MAPK3: variants seen among roughly 807,000 people sequenced by gnomAD.
The protein encoded by MAPK3 is MAPK 1.
A neutral mutation model predicts 41.8 loss-of-function variants in MAPK3; 30 were observed. That is an observed-to-expected ratio of 0.72 (90% CI 0.54 to 0.97). The LOEUF (loss-of-function observed/expected upper bound fraction) is 0.97, where lower values mean the gene tolerates loss of function less well. Ranked by LOEUF, MAPK3 falls within the 50% of genes least tolerant of loss-of-function variation. The pLI is 0.00. For missense variants in MAPK3, 413 were observed against 509.9 expected (o/e 0.81, Z 1.83); for synonymous variants, 222 against 213.4 (o/e 1.04, Z -0.35).
intron 8 of MAPK3, chr16:30,115,975 T>G (rs896916862): frequency 5.3e-5 from 8 of 151,082 alleles, no homozygotes; most frequent in Non-Finnish European, 1.2e-4. Context: ...GCCAGGCTGG[T>G]CTCAACTCTT....
chr16:30,122,221 G>C, intron 1 of MAPK3: 1 of 598,468 alleles, frequency 1.7e-6, no homozygotes, highest in Non-Finnish European at 3.0e-6. Flanking sequence ...TTTACAAACA[G>C]AGGAAGAGAC....
At chr16:30,114,832 T>A (rs1175111880) in intron 8 of MAPK3, 124 bp from the exon 9 acceptor site, 1 of 152,236 alleles carries the variant, frequency 6.6e-6, no homozygotes, top group Non-Finnish European at 1.5e-5. Context: ...AGTTTCCTTA[T>A]CTGTAAATGG....
At chr16:30,116,236 C>T (rs1470008616) in intron 8 of MAPK3, among the ~76,000 whole-genome samples, 3 of 150,804 alleles carry the variant, frequency 2.0e-5, no homozygotes, top group Middle Eastern at 3.2e-3. Flanking sequence ...GGTTTCACCA[C>T]GTTGGCCAGG....
At chr16:30,120,304 G>A (rs543385230) in intron 2 of MAPK3, among the ~76,000 whole-genome samples, 46 of 152,282 alleles carry the variant, frequency 3.0e-4, no homozygotes, top group African/African-American at 1.0e-3. Context: ...ATCACACAGC[G>A]AGCTGGGGGT....
At chr16:30,122,983 C>A in intron 1 of MAPK3, 57 bp downstream of exon 1, 1 of 1,362,180 alleles carries the variant, frequency 7.3e-7, no homozygotes, top group South Asian at 1.6e-5. Flanking sequence ...CCTCCTCCTC[C>A]TCTCCCGCGA....
intron 7 of MAPK3, 44 bp from the exon 8 acceptor site, chr16:30,116,834 T>C: frequency 6.2e-7 from 1 of 1,613,398 alleles, no homozygotes; most frequent in Admixed American, 1.7e-5. Flanking sequence ...GCATGGGGGA[T>C]GCCTACGTGC....
intron 8 of MAPK3, 24 bp downstream of exon 8, chr16:30,116,612 T>C (rs1328161024): frequency 2.5e-6 from 4 of 1,603,870 alleles, no homozygotes; most frequent in South Asian, 2.2e-5. Flanking sequence ...AGGGTGTCCA[T>C]GTGTGGGCCA....
At chr16:30,120,950 T>C (rs1197966346) in intron 2 of MAPK3, among the ~76,000 whole-genome samples, 5 of 151,752 alleles carry the variant, frequency 3.3e-5, no homozygotes, top group Admixed American at 6.6e-5. Context: ...TCCCAAAGTG[T>C]TGGGACTACA....
chr16:30,116,781 C>A lies in MAPK3; in HGVS notation c.1027G>T (p.Glu343Ter), dbSNP rs752512625. The A allele has an allele frequency of 1.2e-6, 2 of 1,613,862 alleles. No individual in the cohort carries two copies. Among genetic ancestry groups the A allele is most frequent in the South Asian group, 1.1e-5 (1 of 91,072 alleles). The change falls in exon 8 of 9, where the codon GAG (glutamate) becomes TAG (stop). Residue 343 changes from glutamate to a stop codon, truncating the protein, a stop_gained. Coordinates refer to ENST00000263025, the MANE Select transcript of MAPK3 (RefSeq NM_002746.3). LOFTEE classifies it high-confidence loss of function. The part of the protein sequence containing the change: ...YYDPTDEPVA[E>*]EPFTFAMELD... ...TCCATGGCGAAGGTGAAGGGCTCCT[C>A]GGCCACTGGCTGGGGTGGTAGAGAC... is the stretch of plus-strand genomic sequence containing the variant.
In MAPK3 at chr16:30,117,204, G is replaced by A. The variant is rs1225959995; in HGVS notation, c.857C>T (p.Ser286Phe). The A allele has an allele frequency of 6.2e-7, 1 of 1,614,168 alleles. No homozygotes were observed. The highest frequency in any genetic ancestry group is 8.5e-7 in the Non-Finnish European group (1 of 1,180,016). The stretch of plus-strand genomic sequence containing the variant: ...CTTGGCCCAAGCCACCTTGGTCTTG[G>A]AGGGCAGAGACTGTAGGTAGTTTCG... ...KARNYLQSLP[S>F]KTKVAWAKLF... Residue 286 changes from serine (S) to phenylalanine (F), a missense_variant, in exon 6 of 9, where the codon TCC becomes TTC. Transcript: ENST00000263025.
chr16:30,119,463 G>A (rs1171165003), intron 2 of MAPK3, among the ~76,000 whole-genome samples: 1 of 152,134 alleles, frequency 6.6e-6, no homozygotes, highest in Non-Finnish European at 1.5e-5. Flanking sequence ...TCTTTTGAGG[G>A]TGGTTGTGAA....
At position 30,117,135 on chromosome 16, in the gene MAPK3, A is replaced by G; in HGVS notation, c.907+19T>C. 1 of 1,613,634 alleles carries G rather than the reference A, an allele frequency of 6.2e-7. No homozygotes were observed. The highest frequency in any genetic ancestry group is 8.5e-7 in the Non-Finnish European group (1 of 1,179,852). ...GACACCCAAGGTTTATCCCACACCC[A>G]CCCTCATGTCTCTCGAACCTTTGGA... On this transcript the variant is annotated intron_variant, in intron 6 of 8. Transcript: ENST00000263025.
At position 30,122,009 on chromosome 16, in the gene MAPK3, G is replaced by A. The variant is rs1456282016; in HGVS notation, c.171-3C>T. On this transcript the variant is annotated splice_region_variant and splice_polypyrimidine_tract_variant and intron_variant, in intron 1 of 8. Transcript: ENST00000263025. Reference sequence around the variant, plus strand: ...TGCGCACGTGGTCATAGGCCGAGCTGAGGGGACCGGAGAGAGGCTGCTGCT... The same window carrying A: ...TGCGCACGTGGTCATAGGCCGAGCTAAGGGGACCGGAGAGAGGCTGCTGCT... The A allele has an allele frequency of 6.2e-7, 1 of 1,613,924 alleles. No homozygotes were observed. Among genetic ancestry groups the A allele is most frequent in the Non-Finnish European group, 8.5e-7 (1 of 1,180,030 alleles).
intron 1 of MAPK3, chr16:30,122,648 G>C (rs1467296550): frequency 1.1e-5 from 2 of 175,868 alleles, no homozygotes; most frequent in Non-Finnish European, 2.4e-5. Context: ...TGCCTCACAG[G>C]GGGAATCCAA....
rs1412321610 is a variant in MAPK3 at position 30,123,054 on chromosome 16, C to A, written c.156G>T (p.Ala52=). ...YTQLQYIGEG[A]YGMVSSAYDH... ...CGCCCCCTCACCTGACCATGCCGTACGCGCCCTCGCCGATGTACTGCAACT... is the reference window on the plus strand; with the variant it reads ...CGCCCCCTCACCTGACCATGCCGTAAGCGCCCTCGCCGATGTACTGCAACT... Residue 52 remains alanine, a synonymous_variant, in exon 1 of 9, where the codon GCG becomes GCT. Coordinates refer to ENST00000263025, the MANE Select transcript of MAPK3 (RefSeq NM_002746.3). The A allele has an allele frequency of 2.6e-6, 4 of 1,559,498 alleles. No individual in the cohort carries two copies. Among genetic ancestry groups the A allele is most frequent in the South Asian group, 2.3e-5 (2 of 86,860 alleles).
intron 2 of MAPK3, among the ~76,000 whole-genome samples, chr16:30,119,107 A>C (rs1322789965): frequency 6.6e-6 from 1 of 151,618 alleles, no homozygotes; most frequent in Non-Finnish European, 1.5e-5. Flanking sequence ...GTGTCACTGC[A>C]CTGCAGCCCG....
intron 5 of MAPK3, among the ~76,000 whole-genome samples, 187 bp from the exon 6 acceptor site, chr16:30,117,472 G>A (rs1893320299): frequency 6.6e-6 from 1 of 152,082 alleles, no homozygotes; most frequent in African/African-American, 2.4e-5. Context: ...TCAAATCCTA[G>A]GTCTGGTGCC....
chr16:30,116,940 G>A lies in MAPK3; in HGVS notation c.971C>T (p.Ala324Val), dbSNP rs1329197803. 1.1e-5 allele frequency: 17 copies of A among 1,613,628 alleles called. No individual in the cohort carries two copies. The highest frequency in any genetic ancestry group is 1.7e-5 in the Admixed American group (1 of 59,952). ...NPNKRITVEE[A>V]LAHPYLEQYY... ...CTGCTCCAGGTAGGGGTGAGCCAGC[G>A]CTTCCTCCACTGTGATCCGTTTATT... The change falls in exon 7 of 9, where the codon GCG becomes GTG. Residue 324 changes from alanine (A) to valine (V), a missense_variant. Coordinates refer to ENST00000263025, the MANE Select transcript of MAPK3 (RefSeq NM_002746.3).
chr16:30,119,737 G>A (rs931955054), intron 2 of MAPK3, among the ~76,000 whole-genome samples: 2 of 152,198 alleles, frequency 1.3e-5, no homozygotes, highest in Non-Finnish European at 2.9e-5. Flanking sequence ...AGAGTGCTTG[G>A]CCATACCTCA....
Sources: allele counts gnomAD v4.1 joint callset (sites outside exome capture counted in the v4.1 genomes callset), GRCh38; gene constraint gnomAD v4.1.1; transcripts MANE v1.5; gene names NCBI Gene and HGNC (gene_info 2026-07-23, HGNC 2026-07-21).